HS3ST4: variants seen among roughly 807,000 people sequenced by gnomAD.
HS3ST4 encodes the protein heparan sulfate glucosamine 3-O-sulfotransferase 4.
HS3ST4 carries 17 observed loss-of-function variants against 29.2 expected under a neutral mutation model. The observed-to-expected ratio is 0.58, with a 90% CI of 0.40 to 0.87. The LOEUF is 0.87. Among genes scored for constraint, HS3ST4 ranks in the 40% least tolerant of loss-of-function variants. The pLI is 0.00. For missense variants in HS3ST4, 627 were observed against 634.5 expected, an observed-to-expected ratio of 0.99 and a Z score of 0.13; for synonymous variants, 314 against 285.7, an observed-to-expected ratio of 1.10 and a Z score of -1.00.
At chr16:25,801,827 T>C (rs1410871536) in intron 1 of HS3ST4, among the ~76,000 whole-genome samples, 1 of 152,128 alleles carries the variant, frequency 6.6e-6, no homozygotes, top group African/African-American at 2.4e-5. Flanking sequence ...TCATATAATT[T>C]TGTTGCTTTT....
intron 1 of HS3ST4, among the ~76,000 whole-genome samples, chr16:25,995,350 G>T (rs1969149987): frequency 6.6e-6 from 1 of 152,164 alleles, no homozygotes; most frequent in Admixed American, 6.5e-5. Flanking sequence ...CTCAACCTAT[G>T]CAGTTAAGAT....
chr16:25,906,983 C>T (rs1426863701), intron 1 of HS3ST4, among the ~76,000 whole-genome samples: 11 of 152,062 alleles, frequency 7.2e-5, no homozygotes, highest in African/African-American at 2.7e-4. Context: ...TTGCTTGAGG[C>T]CAAGAGCTTG....
intron 1 of HS3ST4, among the ~76,000 whole-genome samples, chr16:26,034,517 G>A (rs1969564925): frequency 6.6e-6 from 1 of 152,124 alleles, no homozygotes; most frequent in South Asian, 2.1e-4. Flanking sequence ...GACCTCTTGA[G>A]AATACCCCAA....
chr16:25,872,615 T>G (rs569123400), intron 1 of HS3ST4, among the ~76,000 whole-genome samples: 3 of 152,306 alleles, frequency 2.0e-5, no homozygotes, highest in African/African-American at 7.2e-5. Flanking sequence ...CAACAGTGGC[T>G]GTAAGTTTCC....
intron 1 of HS3ST4, among the ~76,000 whole-genome samples, chr16:26,044,171 G>A (rs913194969): frequency 1.3e-5 from 2 of 152,004 alleles, no homozygotes; most frequent in Admixed American, 1.3e-4. Flanking sequence ...AAACCCAGTG[G>A]TGGCTTTAAG....
chr16:25,736,783 A>C (rs1966612986), intron 1 of HS3ST4, among the ~76,000 whole-genome samples: 1 of 152,114 alleles, frequency 6.6e-6, no homozygotes, highest in Admixed American at 6.5e-5. Context: ...TCTCTTGCAG[A>C]GTTTCTAAAG....
chr16:26,043,801 C>T (rs994893377), intron 1 of HS3ST4, among the ~76,000 whole-genome samples: 20 of 152,154 alleles, frequency 1.3e-4, no homozygotes, highest in Non-Finnish European at 2.6e-4. Context: ...CTTGTACCCC[C>T]GCCTTCCATG....
At chr16:25,967,835 G>A (rs572731617) in intron 1 of HS3ST4, among the ~76,000 whole-genome samples, 221 of 152,294 alleles carry the variant, frequency 1.5e-3, no homozygotes, top group South Asian at 1.7e-3. Context: ...GGGCTTGTGG[G>A]TGGGAGAGGA....
chr16:25,972,533 CT>C (rs1968908161), intron 1 of HS3ST4, among the ~76,000 whole-genome samples: 1 of 152,310 alleles, frequency 6.6e-6, no homozygotes, highest in Non-Finnish European at 1.5e-5. Flanking sequence ...TGGCTGGAGA[CT>C]TTACCTGGTG....
intron 1 of HS3ST4, among the ~76,000 whole-genome samples, chr16:26,051,010 CT>C (rs1898335630): frequency 6.6e-6 from 1 of 152,104 alleles, no homozygotes; most frequent in African/African-American, 2.4e-5. Context: ...CGGGGATCTC[CT>C]TTAGGGAGCA....
rs1567264562 is a variant in HS3ST4, at chr16:25,885,665, C to A, written c.734+192514C>A. Among the ~76,000 whole-genome samples the A allele has an allele frequency of 2.0e-5, 3 of 152,082 alleles. 1 individual carries two copies. Among genetic ancestry groups the A allele is most frequent in the Non-Finnish European group, 4.4e-5 (3 of 67,996 alleles). ...AATTTTTGTCATATCCAAGCACCAG[C>A]TGTGATTAATATTAAATATATGTAA... is the stretch of plus-strand genomic sequence containing the variant. On this transcript the variant is annotated intron_variant, in intron 1 of 1. Coordinates refer to ENST00000331351, the MANE Select transcript of HS3ST4 (RefSeq NM_006040.3).
At chr16:25,695,604 A>G (rs1174892582) in intron 1 of HS3ST4, among the ~76,000 whole-genome samples, 3 of 152,198 alleles carry the variant, frequency 2.0e-5, no homozygotes, top group Non-Finnish European at 2.9e-5. Flanking sequence ...AAACAGTGGC[A>G]TTGATTTGGT....
At chr16:25,797,408 T>C (rs996718335) in intron 1 of HS3ST4, among the ~76,000 whole-genome samples, 1 of 152,222 alleles carries the variant, frequency 6.6e-6, no homozygotes, top group Non-Finnish European at 1.5e-5. Flanking sequence ...TTAAATCTTC[T>C]ATTTTCTCAT....
chr16:26,109,778 T>C (rs1294371628), intron 1 of HS3ST4, among the ~76,000 whole-genome samples: 2 of 152,068 alleles, frequency 1.3e-5, no homozygotes, highest in African/African-American at 4.8e-5. Context: ...TTAGGTGTCA[T>C]TGACAAATAA....
chr16:26,094,949 AGC>A (rs1567311025), intron 1 of HS3ST4, among the ~76,000 whole-genome samples: 6 of 151,844 alleles, frequency 4.0e-5, no homozygotes, highest in Non-Finnish European at 5.9e-5. Context: ...AGCAAAAAAA[AGC>A]AGGGGTTGCA....
At chr16:25,787,151 A>T (rs373009634) in intron 1 of HS3ST4, among the ~76,000 whole-genome samples, 2 of 152,256 alleles carry the variant, frequency 1.3e-5, no homozygotes, top group African/African-American at 2.4e-5. Context: ...TTCAGAATAT[A>T]TAATATAGTT....
chr16:26,124,387 C>A (rs971167164), intron 1 of HS3ST4, among the ~76,000 whole-genome samples: 1 of 151,882 alleles, frequency 6.6e-6, no homozygotes, highest in Non-Finnish European at 1.5e-5. Flanking sequence ...AGTATAGTGA[C>A]CTTGGTTTTC....
chr16:26,089,071 G>A (rs1898822053), intron 1 of HS3ST4, among the ~76,000 whole-genome samples: 1 of 152,214 alleles, frequency 6.6e-6, no homozygotes, highest in African/African-American at 2.4e-5. Context: ...TTAGTGGGGT[G>A]TGTGTGCACA....
chr16:25,903,324 T>TACATATGTATATGTATATATTATAG (rs67993882), intron 1 of HS3ST4, among the ~76,000 whole-genome samples: 12,100 of 74,028 alleles, frequency 0.16, 965 homozygotes, highest in Admixed American at 0.33. Flanking sequence ...ATATATTATA[T>TACATATGTATATGTATATATTATAG]ATATGTATAT....
Sources: gnomAD v4.1 joint callset for allele counts (sites outside exome capture counted in the v4.1 genomes callset) on GRCh38, gnomAD v4.1.1 for gene constraint, MANE v1.5 for transcripts, NCBI Gene and HGNC (gene_info 2026-07-23, HGNC 2026-07-21) for gene names.